Variants in IL1RAPL1 observed in about 807,000 individuals in gnomAD.
IL1RAPL1 encodes interleukin-1 receptor accessory protein-like 1.
IL1RAPL1 carries 3 observed loss-of-function variants against 48.4 expected under a neutral mutation model. The observed-to-expected ratio is 0.06, with a 90% CI of 0.03 to 0.16. The LOEUF (loss-of-function observed/expected upper bound fraction) is 0.16. IL1RAPL1 is among the 10% of genes least tolerant of loss of function. The pLI is 1.00. For synonymous variants in IL1RAPL1, 185 were observed against 187.7 expected (o/e 0.99, Z 0.12); for missense variants, 349 against 530.6 (o/e 0.66, Z 3.36).
At chrX:29,673,772 C>T (rs1005168365) in intron 6 of IL1RAPL1, among the ~76,000 whole-genome samples, 1 of 111,810 alleles carries the variant, frequency 8.9e-6, no homozygotes, top group Non-Finnish European at 1.9e-5. Flanking sequence ...CAATTCTACT[C>T]AATCCAAATT....
intron 8 of IL1RAPL1, among the ~76,000 whole-genome samples, chrX:29,924,148 A>ATACTT (rs1354547142): frequency 8.9e-6 from 1 of 112,137 alleles, no homozygotes; most frequent in Non-Finnish European, 1.9e-5. Flanking sequence ...GTATGTGTAA[A>ATACTT]TACTTATCAC....
At chrX:29,518,549 G>A (rs1236816932) in intron 5 of IL1RAPL1, among the ~76,000 whole-genome samples, 1 of 111,356 alleles carries the variant, frequency 9.0e-6, no homozygotes, top group East Asian at 2.8e-4. Context: ...TATGAAGAAG[G>A]TGGGGGAATT....
chrX:28,851,944 A>G (rs759994051), intron 2 of IL1RAPL1, among the ~76,000 whole-genome samples: 2 of 112,212 alleles, frequency 1.8e-5, no homozygotes, highest in African/African-American at 3.2e-5. Context: ...TGAAATTTCT[A>G]TTATAGTTTA....
chrX:29,118,578 T>C (rs769252204), intron 2 of IL1RAPL1, among the ~76,000 whole-genome samples: 46 of 111,674 alleles, frequency 4.1e-4, no homozygotes, highest in Admixed American at 4.8e-4. Context: ...TAAAAATACA[T>C]CTATAAATTT....
At chrX:29,834,767 G>A (rs942563576) in intron 6 of IL1RAPL1, among the ~76,000 whole-genome samples, 1 of 111,822 alleles carries the variant, frequency 8.9e-6, no homozygotes, top group African/African-American at 3.2e-5. Flanking sequence ...CATCATGACA[G>A]ACAATTCCAC....
chrX:29,723,792 C>T (rs764049212), intron 6 of IL1RAPL1, among the ~76,000 whole-genome samples: 17 of 111,174 alleles, frequency 1.5e-4, no homozygotes, highest in Middle Eastern at 4.6e-3. Context: ...ATGAGGCAGG[C>T]GGTGTAATGT....
intron 2 of IL1RAPL1, among the ~76,000 whole-genome samples, chrX:29,023,593 TTAAA>T (rs1204451354): frequency 2.7e-5 from 3 of 112,772 alleles, no homozygotes; most frequent in African/African-American, 9.7e-5. Context: ...TTTAGAAACT[TTAAA>T]TAGTTATTTT....
intron 1 of IL1RAPL1, among the ~76,000 whole-genome samples, chrX:28,731,061 G>A (rs1329377751): frequency 9.0e-6 from 1 of 111,492 alleles, no homozygotes; most frequent in African/African-American, 3.3e-5. Context: ...ACTAGTGGGT[G>A]GCTGATGTAA....
intron 2 of IL1RAPL1, among the ~76,000 whole-genome samples, chrX:29,220,559 T>G (rs1186722490): frequency 2.7e-5 from 3 of 112,357 alleles, no homozygotes; most frequent in South Asian, 7.3e-4. Context: ...GGGAACTGAT[T>G]GTGGTTACGT....
chrX:29,866,896 T>C (rs182122011), intron 6 of IL1RAPL1, among the ~76,000 whole-genome samples: 1 of 110,739 alleles, frequency 9.0e-6, no homozygotes, highest in Admixed American at 9.7e-5. Context: ...TTAAAAATGA[T>C]ATCACCCATC....
At chrX:28,834,960 C>A (rs1282105036) in intron 2 of IL1RAPL1, among the ~76,000 whole-genome samples, 1 of 111,229 alleles carries the variant, frequency 9.0e-6, no homozygotes, top group Non-Finnish European at 1.9e-5. Flanking sequence ...GAAAGATAAT[C>A]TATGTAAAGA....
At chrX:29,213,568 G>C (rs543483403) in intron 2 of IL1RAPL1, among the ~76,000 whole-genome samples, 1 of 112,375 alleles carries the variant, frequency 8.9e-6, no homozygotes, top group African/African-American at 3.2e-5. Flanking sequence ...TTTTTATAAT[G>C]TGGCCTCCTG....
intron 6 of IL1RAPL1, among the ~76,000 whole-genome samples, chrX:29,792,390 C>T (rs1265758018): frequency 9.0e-6 from 1 of 111,288 alleles, no homozygotes; most frequent in Non-Finnish European, 1.9e-5. Flanking sequence ...TATTTTCTCA[C>T]AATTATGGTG....
At chrX:28,916,076 C>T (rs901247196) in intron 2 of IL1RAPL1, among the ~76,000 whole-genome samples, 2 of 110,656 alleles carry the variant, frequency 1.8e-5, no homozygotes, top group African/African-American at 6.6e-5. Context: ...TTTTGATGGG[C>T]TGATTGTTAG....
At chrX:29,599,565 C>T (rs933945692) in intron 5 of IL1RAPL1, among the ~76,000 whole-genome samples, 1 of 112,124 alleles carries the variant, frequency 8.9e-6, no homozygotes, top group Non-Finnish European at 1.9e-5. Flanking sequence ...GTCTAAATCT[C>T]TAATAAGGCT....
intron 1 of IL1RAPL1, among the ~76,000 whole-genome samples, chrX:28,601,721 A>C: frequency 9.0e-6 from 1 of 110,924 alleles, no homozygotes; most frequent in Middle Eastern, 4.6e-3. Context: ...AAAAATAGTA[A>C]TCTTTGCTAC....
At chrX:28,763,272 G>T (rs936801962) in intron 1 of IL1RAPL1, among the ~76,000 whole-genome samples, 1 of 111,509 alleles carries the variant, frequency 9.0e-6, no homozygotes, top group African/African-American at 3.3e-5. Context: ...TGATTGCCAC[G>T]ATATGAATGT....
intron 1 of IL1RAPL1, among the ~76,000 whole-genome samples, chrX:28,724,846 G>C (rs1935644025): frequency 9.1e-6 from 1 of 110,489 alleles, no homozygotes; most frequent in Non-Finnish European, 1.9e-5. Context: ...TAAAACATAT[G>C]TGAGAGAGTA....
At chrX:29,086,889 G>A (rs1224630147) in intron 2 of IL1RAPL1, among the ~76,000 whole-genome samples, 1 of 111,771 alleles carries the variant, frequency 8.9e-6, no homozygotes, top group African/African-American at 3.2e-5. Flanking sequence ...CTTGGAACGT[G>A]TGGAAGCTAT....
Sources: allele counts gnomAD v4.1 joint callset (sites outside exome capture counted in the v4.1 genomes callset), GRCh38; gene constraint gnomAD v4.1.1; transcripts MANE v1.5; gene names NCBI Gene and HGNC (gene_info 2026-07-23, HGNC 2026-07-21).